Variants in CNTNAP3B observed in about 807,000 individuals in gnomAD.
CNTNAP3B encodes the protein contactin-associated protein-like 3B.
CNTNAP3B carries 25 observed loss-of-function variants against 108.9 expected under a neutral mutation model. The observed-to-expected ratio is 0.23, with a 90% CI of 0.17 to 0.32. CNTNAP3B has a LOEUF of 0.32. CNTNAP3B is among the 10% of genes least tolerant of loss of function. CNTNAP3B has a pLI of 1.00. For missense variants in CNTNAP3B, 252 were observed against 1,210.4 expected (o/e 0.21, Z 11.75); for synonymous variants, 103 against 473.4 (o/e 0.22, Z 10.16).
intron 18 of CNTNAP3B, among the ~76,000 whole-genome samples, chr9:41,918,033 T>C (rs1205442036): frequency 6.6e-6 from 1 of 152,306 alleles, no homozygotes; most frequent in South Asian, 2.1e-4. Context: ...AGACTTTCAA[T>C]AGTTGTTTTT....
At chr9:41,936,825 A>G (rs1824171374) in intron 14 of CNTNAP3B, among the ~76,000 whole-genome samples, 1 of 152,294 alleles carries the variant, frequency 6.6e-6, no homozygotes, top group Non-Finnish European at 1.5e-5. Flanking sequence ...ATAAATCTGT[A>G]TGATCATTTT....
Position 42,128,535 on chromosome 9 carries a change from C to T in CNTNAP3B, c.85+475G>A, listed in dbSNP as rs1336691464. On this transcript the variant is annotated intron_variant, in intron 1 of 23. Coordinates refer to ENST00000377561, the MANE Select transcript of CNTNAP3B (RefSeq NM_001201380.3). ...CTACAGGCACTCTGTCCCTATACTG[C>T]GTGGAAGTTAATTAGCATTTTAACT... Among the ~76,000 whole-genome samples the T allele has an allele frequency of 2.2e-5, 3 of 137,306 alleles. 1 individual carries two copies. The East Asian group carries it at 6.6e-4, about 30-fold the overall frequency. 90.1% of individuals were successfully genotyped at this position (137,306 alleles called of 152,430 possible).
At chr9:41,939,439 A>G (rs1226996568) in intron 13 of CNTNAP3B, among the ~76,000 whole-genome samples, 2 of 152,288 alleles carry the variant, frequency 1.3e-5, no homozygotes, top group African/African-American at 2.4e-5. Context: ...TAACTCATTC[A>G]TAGATAAGAT....
At chr9:42,116,035 G>A (rs62558080) in intron 1 of CNTNAP3B, among the ~76,000 whole-genome samples, 1,925 of 139,556 alleles carry the variant, frequency 0.014, 284 homozygotes, top group South Asian at 0.057. Context: ...ATGACCAGAT[G>A]GAGCTGAAAA....
intron 8 of CNTNAP3B, among the ~76,000 whole-genome samples, chr9:41,990,240 C>A (rs1825781060): frequency 7.3e-6 from 1 of 137,032 alleles, no homozygotes; most frequent in Non-Finnish European, 1.6e-5. Flanking sequence ...GTTCTCTCAT[C>A]AATGAGTTAA....
In CNTNAP3B at chr9:41,925,008, G is replaced by T. The variant is rs551501115; in HGVS notation, c.2366-915C>A. On this transcript the variant is annotated intron_variant, in intron 15 of 23. Coordinates refer to ENST00000377561, the MANE Select transcript of CNTNAP3B (RefSeq NM_001201380.3). ...TTCTCCTCAGTGTGTCGCAGCAGCA[G>T]GCAGCAATGCTGATAAGCCCATCAC... 1.8e-4 allele frequency among the ~76,000 whole-genome samples: 28 copies of T among 151,718 alleles called. No individual in the cohort carries two copies. In the South Asian group the frequency reaches 3.1e-3, roughly 17 times the overall value.
intron 18 of CNTNAP3B, among the ~76,000 whole-genome samples, chr9:41,916,088 A>T (rs1588036671): frequency 6.8e-6 from 1 of 147,930 alleles, no homozygotes; most frequent in African/African-American, 2.5e-5. Flanking sequence ...AATCTGAGAA[A>T]AGAAACAAGA....
At chr9:42,112,383 G>A (rs1191137492) in intron 1 of CNTNAP3B, among the ~76,000 whole-genome samples, 1 of 139,440 alleles carries the variant, frequency 7.2e-6, no homozygotes, top group Non-Finnish European at 1.5e-5. Context: ...GAGCCACACA[G>A]CAGCCATGTG....
chr9:41,924,645 GCACACACACACA>G (rs200851620), intron 15 of CNTNAP3B, among the ~76,000 whole-genome samples: 35,334 of 135,408 alleles, frequency 0.26, 310 homozygotes, highest in South Asian at 0.37. Context: ...TTTCCTTCCT[GCACACACACACA>G]CACACACACA....
intron 12 of CNTNAP3B, among the ~76,000 whole-genome samples, chr9:41,958,133 G>A (rs1355754855): frequency 6.6e-6 from 1 of 152,082 alleles, no homozygotes; most frequent in East Asian, 1.9e-4. Flanking sequence ...TTGGAGACAA[G>A]GTCTTTCTCT....
chr9:41,959,741 C>T (rs1218788753), intron 12 of CNTNAP3B, among the ~76,000 whole-genome samples: 8 of 152,286 alleles, frequency 5.3e-5, no homozygotes, highest in Admixed American at 1.3e-4. Flanking sequence ...TGCTAAGGCA[C>T]TTTAAATGCC....
chr9:41,934,910 T>A lies in CNTNAP3B; in HGVS notation c.2237+3334A>T, dbSNP rs1314393218. 2.6e-5 allele frequency among the ~76,000 whole-genome samples: 4 copies of A among 152,414 alleles called. No individual in the cohort carries two copies. The South Asian group carries it at 8.3e-4, about 32-fold the overall frequency. ...TTTATTTGTGGTTACTTTTAAAGAC[T>A]CTAAGATAATCACACAAAAGTCCTA... On this transcript the variant is annotated intron_variant, in intron 14 of 23. Transcript: ENST00000377561.
At chr9:42,125,203 C>A (rs1587292068) in intron 1 of CNTNAP3B, among the ~76,000 whole-genome samples, 1 of 137,740 alleles carries the variant, frequency 7.3e-6, no homozygotes, top group African/African-American at 2.9e-5. Flanking sequence ...AATTCCCAAT[C>A]ATGTCCTTTA....
At chr9:42,064,335 G>A (rs1420262289) in intron 3 of CNTNAP3B, among the ~76,000 whole-genome samples, 73 of 141,278 alleles carry the variant, frequency 5.2e-4, no homozygotes, top group African/African-American at 1.9e-3. Context: ...TAACAAGGCA[G>A]AAGGCATCAC....
chr9:41,954,471 C>G (rs1156265263), intron 12 of CNTNAP3B, among the ~76,000 whole-genome samples: 1 of 152,268 alleles, frequency 6.6e-6, no homozygotes, highest in Non-Finnish European at 1.5e-5. Context: ...TCTTTAGTCA[C>G]AGAACCCATG....
chr9:42,047,682 T>TCCTC lies in CNTNAP3B; in HGVS notation c.390+29186_390+29187insGAGG, dbSNP rs1239752570. 1.0e-2 allele frequency among the ~76,000 whole-genome samples: 279 copies of TCCTC among 27,910 alleles called. 11 individuals carry two copies. The highest frequency in any genetic ancestry group is 0.044 in the South Asian group (34 of 778). 18.3% of individuals were successfully genotyped at this position (27,910 alleles called of 152,430 possible). On this transcript the variant is annotated intron_variant, in intron 3 of 23. Coordinates refer to ENST00000377561, the MANE Select transcript of CNTNAP3B (RefSeq NM_001201380.3). ...TCCCCCCTTCTGCCCCTTCCTCCCTTCCTTCCTTCCTTCCTTCCTTCCTTC... is the reference window on the plus strand; with the variant it reads ...TCCCCCCTTCTGCCCCTTCCTCCCTTCCTCCCTTCCTTCCTTCCTTCCTTCCTTC...
intron 10 of CNTNAP3B, among the ~76,000 whole-genome samples, chr9:41,969,787 T>G (rs1287401153): frequency 3.9e-4 from 42 of 108,324 alleles, no homozygotes; most frequent in African/African-American, 1.4e-3. Context: ...CTGGCTAATT[T>G]TTTTTTTTCT....
chr9:42,051,851 C>T (rs1234854225), intron 3 of CNTNAP3B, among the ~76,000 whole-genome samples: 1 of 152,108 alleles, frequency 6.6e-6, no homozygotes, highest in African/African-American at 2.4e-5. Context: ...GTTCCTAAAC[C>T]TGAATTTATT....
rs1288700215 is a variant in CNTNAP3B at position 42,109,020 on chromosome 9, A to C, written c.86-4281T>G. ...CACATGAATATGAAATGATTAAAAA[A>C]TCAATTTGAGGAATTGCCCTTACCT... On this transcript the variant is annotated intron_variant, in intron 1 of 23. Transcript: ENST00000377561. Among the ~76,000 whole-genome samples, 5 of 139,538 alleles carry C rather than the reference A, an allele frequency of 3.6e-5. No homozygotes were observed. The East Asian group carries it at 1.1e-3, about 30-fold the overall frequency. The allele number at this position is 139,538 out of a possible 152,430, so 91.5% of individuals were successfully genotyped here.
Sources: gnomAD v4.1 joint callset for allele counts (sites outside exome capture counted in the v4.1 genomes callset) on GRCh38, gnomAD v4.1.1 for gene constraint, MANE v1.5 for transcripts, NCBI Gene and HGNC (gene_info 2026-07-23, HGNC 2026-07-21) for gene names.